The following NPAS4 variants were observed in gnomAD, a reference collection of about 807,000 sequenced individuals.
NPAS4 encodes neuronal PAS domain protein 4, also known as neuronal PAS domain-containing protein 4.
Under a neutral mutation model 64.0 loss-of-function variants are expected in NPAS4, and 10 were observed. The ratio of observed to expected loss-of-function variants is 0.16; its 90% CI spans 0.10 to 0.26. The LOEUF is 0.26. Ranked by LOEUF, NPAS4 falls within the 10% of genes least tolerant of loss-of-function variation. The pLI is 1.00. For missense variants in NPAS4, 886 were observed against 992.6 expected, an observed-to-expected ratio of 0.89 and a Z score of 1.44; for synonymous variants, 441 against 411.7, an observed-to-expected ratio of 1.07 and a Z score of -0.86.
chr11:66,423,018 A>T, intron 4 of NPAS4, 77 bp downstream of exon 4: 1 of 1,544,992 alleles, frequency 6.5e-7, no homozygotes, highest in Non-Finnish European at 8.8e-7. Context: ...AGTCAGGGGC[A>T]GGGAGGATGG....
At chr11:66,418,976 A>G (rs1198411286), upstream of NPAS4, among the ~76,000 whole-genome samples, 1 of 152,096 alleles carries the variant, frequency 6.6e-6, no homozygotes, top group Non-Finnish European at 1.5e-5. Flanking sequence ...GTGGAGGGGG[A>G]CACTCAGAAT....
At chr11:66,416,660 A>T (rs1281903380), upstream of NPAS4, 1 of 152,182 alleles carries the variant, frequency 6.6e-6, no homozygotes, top group Non-Finnish European at 1.5e-5. Context: ...GTCTGGTCTG[A>T]CCACTACTGC....
intron 1 of NPAS4, among the ~76,000 whole-genome samples, chr11:66,421,565 G>T (rs973414096): frequency 6.6e-6 from 1 of 152,356 alleles, no homozygotes; most frequent in South Asian, 2.1e-4. Context: ...GAGCCTGGAC[G>T]GTGTCCCTAA....
At chr11:66,413,622 T>C in the NPAS4 span, among the ~76,000 whole-genome samples, 6 of 152,228 alleles carry the variant, frequency 3.9e-5, no homozygotes, top group Non-Finnish European at 8.8e-5. Flanking sequence ...GTGGCTTCTT[T>C]TGTGGCTACC....
chr11:66,413,828 C>A, the NPAS4 span, among the ~76,000 whole-genome samples: 1 of 152,174 alleles, frequency 6.6e-6, no homozygotes, highest in Admixed American at 6.5e-5. Context: ...CAGCATGCCT[C>A]CTTGACAGCA....
rs1045645329 is a variant in NPAS4, at chr11:66,423,682, G to A, written c.913G>A (p.Gly305Arg). Residue 305 changes from glycine to arginine, a missense_variant, in exon 6 of 8, where the codon GGA (glycine) becomes AGA (arginine). This residue lies in a region of NPAS4 where 820 missense variants were observed against 855.5 expected (regional missense o/e 0.96). Transcript: ENST00000311034. ...CCTGTTATACTCAGAAGGTCCAGAG[G>A]GACCCATTACTGCCAATAACTACCC... ...YCLLYSEGPEGPITANNYPIS... is the reference protein window; with the variant it reads ...YCLLYSEGPERPITANNYPIS... The A allele has an allele frequency of 1.9e-6, 3 of 1,614,154 alleles. No individual in the cohort carries two copies. The highest frequency in any genetic ancestry group is 1.1e-5 in the South Asian group (1 of 91,080).
the NPAS4 span, among the ~76,000 whole-genome samples, chr11:66,411,623 C>T: frequency 6.6e-6 from 1 of 152,214 alleles, no homozygotes; most frequent in Non-Finnish European, 1.5e-5. Flanking sequence ...CTTCCTGGTG[C>T]TCCTCCCCTC....
chr11:66,415,676 C>T, the NPAS4 span, among the ~76,000 whole-genome samples: 1 of 152,224 alleles, frequency 6.6e-6, no homozygotes, highest in Non-Finnish European at 1.5e-5. Flanking sequence ...AGTTTGTAAA[C>T]CCTAGCCCTA....
the NPAS4 span, among the ~76,000 whole-genome samples, chr11:66,413,815 T>G: frequency 1.3e-5 from 2 of 152,058 alleles, no homozygotes; most frequent in African/African-American, 4.8e-5. Context: ...CTCCCCAAAC[T>G]CCCAGCATGC....
chr11:66,421,868 G>A (rs2134641815), intron 1 of NPAS4, among the ~76,000 whole-genome samples: 1 of 152,310 alleles, frequency 6.6e-6, no homozygotes, highest in South Asian at 2.1e-4. Context: ...CCGCTTTGGA[G>A]CTCTGTCCGC....
chr11:66,423,385 C>T, intron 5 of NPAS4, 153 bp downstream of exon 5: 1 of 812,212 alleles, frequency 1.2e-6, no homozygotes, highest in Non-Finnish European at 2.0e-6. Flanking sequence ...GGTGAGGATT[C>T]AAGGCAATAA....
In NPAS4 at chr11:66,425,050, A is replaced by G. The variant is rs1240995076; in HGVS notation, c.2160A>G (p.Pro720=). Residue 720 remains proline (P), a synonymous_variant, in exon 7 of 8, where the codon CCA becomes CCG. Transcript: ENST00000311034. ...VEDIFMDLST[P]DPSEEWGSGD... The stretch of plus-strand genomic sequence containing the variant: ...ACATCTTCATGGATCTCTCTACCCC[A>G]GATCCCAGTGAGGAATGGGGCTCAG... 1 of 1,610,732 alleles carries G rather than the reference A, an allele frequency of 6.2e-7. No homozygotes were observed. The highest frequency in any genetic ancestry group is 1.3e-5 in the African/African-American group (1 of 74,796).
the NPAS4 span, among the ~76,000 whole-genome samples, chr11:66,412,225 G>C: frequency 2.0e-5 from 3 of 152,272 alleles, no homozygotes; most frequent in African/African-American, 7.2e-5. Flanking sequence ...GGGGAGCTGG[G>C]CTGCTGAGCA....
chr11:66,411,293 G>A, the NPAS4 span, among the ~76,000 whole-genome samples: 1 of 152,210 alleles, frequency 6.6e-6, no homozygotes, highest in Non-Finnish European at 1.5e-5. Flanking sequence ...GCCAGAGGTT[G>A]GGAGGGCCCT....
At chr11:66,421,413 G>A in intron 1 of NPAS4, 59 bp downstream of exon 1, 1 of 1,525,716 alleles carries the variant, frequency 6.6e-7, no homozygotes, top group Non-Finnish European at 9.1e-7. Flanking sequence ...CCCTGGAGCT[G>A]AGGGAACCCG....
upstream of NPAS4, among the ~76,000 whole-genome samples, chr11:66,420,548 C>G (rs1856725206): frequency 6.6e-6 from 1 of 152,242 alleles, no homozygotes; most frequent in Admixed American, 6.5e-5. Flanking sequence ...TGCATGTGAA[C>G]GTGACCTTGT....
Position 66,424,014 on chromosome 11 carries a change from T to C in NPAS4, c.1124T>C (p.Phe375Ser). The change falls in exon 7 of 8, where the codon TTC becomes TCC. Residue 375 changes from phenylalanine to serine, a missense_variant. Transcript: ENST00000311034. ...CTGGGGGCTCCCAGAAGCACCAGCTTCCCCAGTGCTCCTGAACTGAGTGTT... is the reference window on the plus strand; with the variant it reads ...CTGGGGGCTCCCAGAAGCACCAGCTCCCCCAGTGCTCCTGAACTGAGTGTT... The part of the protein sequence containing the change: ...AALGAPRSTS[F>S]PSAPELSVVS... The C allele has an allele frequency of 6.2e-7, 1 of 1,614,030 alleles. No individual in the cohort carries two copies. The highest frequency in any genetic ancestry group is 1.1e-5 in the South Asian group (1 of 91,076).
intron 1 of NPAS4, among the ~76,000 whole-genome samples, chr11:66,421,646 G>A (rs1307878128): frequency 1.3e-5 from 2 of 152,268 alleles, no homozygotes; most frequent in Admixed American, 6.5e-5. Context: ...AGCGCTCCGG[G>A]AGCCGGGGAG....
chr11:66,415,494 G>T, the NPAS4 span, among the ~76,000 whole-genome samples: 1 of 152,186 alleles, frequency 6.6e-6, no homozygotes, highest in Non-Finnish European at 1.5e-5. Context: ...GTGTCAAAAA[G>T]TTCTTTAGGC....
Sources: gnomAD v4.1 joint callset for allele counts (sites outside exome capture counted in the v4.1 genomes callset) on GRCh38, gnomAD v4.1.1 for gene constraint, gnomAD v4.1.1 regional missense constraint, MANE v1.5 for transcripts, NCBI Gene and HGNC (gene_info 2026-07-23, HGNC 2026-07-21) for gene names.